PTBP3: variants seen among roughly 807,000 people sequenced by gnomAD.
PTBP3 encodes the protein polypyrimidine tract binding protein 3.
Under a neutral mutation model 58.7 loss-of-function variants are expected in PTBP3, and 20 were observed. The ratio of observed to expected loss-of-function variants is 0.34; its 90% CI spans 0.24 to 0.50. The LOEUF (loss-of-function observed/expected upper bound fraction) is 0.50. PTBP3 is among the 20% of genes least tolerant of loss of function. PTBP3 has a pLI of 0.98. For missense variants in PTBP3, 509 were observed against 637.2 expected (o/e 0.80, Z 2.17); for synonymous variants, 185 against 219.8 (o/e 0.84, Z 1.40).
chr9:112,312,592 T>TCGGGGAAATGATAAAC, intron 1 of PTBP3, among the ~76,000 whole-genome samples: 1 of 149,532 alleles, frequency 6.7e-6, no homozygotes, highest in East Asian at 2.0e-4. Context: ...GGGGAAATGA[T>TCGGGGAAATGATAAAC]AAATGAAAAA....
At position 112,252,751 on chromosome 9, in the gene PTBP3, G is replaced by T; in HGVS notation, c.554C>A (p.Thr185Asn). 9 of 1,611,938 alleles carry T rather than the reference G, an allele frequency of 5.6e-6. No individual in the cohort carries two copies. Among genetic ancestry groups the T allele is most frequent in the Non-Finnish European group, 7.6e-6 (9 of 1,178,518 alleles). The change falls in exon 6 of 14, where the codon ACC becomes AAC. Residue 185 changes from threonine (T) to asparagine (N), a missense_variant. By Grantham distance (65) the Thr-to-Asn change is moderately conservative. Transcript: ENST00000374257. ...TTGAAACTGATTATTCTTTGTAAAG[G>T]TGATAATCTTCAAGACTGTGCCAAA... The part of the protein sequence containing the change: ...SKFGTVLKII[T>N]FTKNNQFQAL...
At chr9:112,342,787 G>C in the PTBP3 span, among the ~76,000 whole-genome samples, 1 of 126,852 alleles carries the variant, frequency 7.9e-6, no homozygotes, top group Non-Finnish European at 1.7e-5. Context: ...GGCATGGGCT[G>C]ATATATATAC....
chr9:112,247,728 TG>T (rs1835945798), intron 7 of PTBP3, among the ~76,000 whole-genome samples: 2 of 152,108 alleles, frequency 1.3e-5, no homozygotes, highest in African/African-American at 4.8e-5. Flanking sequence ...AAAAAGTCTA[TG>T]GATTAAAGGA....
At position 112,327,684 on chromosome 9, in the gene PTBP3, T is replaced by C. The variant is rs529297279; in HGVS notation, c.-52+5786A>G. Reference sequence around the variant, plus strand: ...ACAAATAACATCCAAGGTATACACTTAGGTATAACATGAGACAGCCCTAAG... The same window carrying C: ...ACAAATAACATCCAAGGTATACACTCAGGTATAACATGAGACAGCCCTAAG... On this transcript the variant is annotated intron_variant, in intron 1 of 13. Transcript: ENST00000374257. Among the ~76,000 whole-genome samples, 33 of 152,272 alleles carry C rather than the reference T, an allele frequency of 2.2e-4. No individual in the cohort carries two copies. In the South Asian group the frequency reaches 6.8e-3, roughly 32 times the overall value.
At position 112,221,504 on chromosome 9, in the gene PTBP3, T is replaced by C; in HGVS notation, c.*2347A>G. 1 of 985,562 alleles carries C rather than the reference T, an allele frequency of 1.0e-6. No individual in the cohort carries two copies. 61.1% of individuals were successfully genotyped at this position (985,562 alleles called of 1,614,324 possible). A position where few individuals can be genotyped will look rare whatever the true frequency, so the allele number is the denominator to read the frequency against. ...ACTTAAAGTAAATGAAATAATCCAATTTAACATGGCACTGAAAATTATAAT... is the reference window on the plus strand; with the variant it reads ...ACTTAAAGTAAATGAAATAATCCAACTTAACATGGCACTGAAAATTATAAT... On this transcript the variant is annotated 3_prime_UTR_variant, in exon 14 of 14. Transcript: ENST00000374257.
At chr9:112,274,194 A>T (rs962792079) in intron 3 of PTBP3, among the ~76,000 whole-genome samples, 5 of 152,236 alleles carry the variant, frequency 3.3e-5, no homozygotes, top group Non-Finnish European at 5.9e-5. Flanking sequence ...AGATCTTAGT[A>T]ACCTCATGTG....
chr9:112,345,432 G>A, the PTBP3 span, among the ~76,000 whole-genome samples: 8 of 144,646 alleles, frequency 5.5e-5, no homozygotes, highest in Admixed American at 2.1e-4. Flanking sequence ...CTGGAGTGCA[G>A]TGGAGTGATC....
chr9:112,252,586 AT>A lies in PTBP3; in HGVS notation c.627+91del. ...TGGTAAACATGTATATTTTGCCACA[AT>A]TTTTTTAAAAACACATGGTAAAGTG... On this transcript the variant is annotated intron_variant, in intron 6 of 13. Transcript: ENST00000374257. 7.1e-6 allele frequency: 7 copies of A among 980,018 alleles called. 1 individual carries two copies. In the South Asian group the frequency reaches 8.6e-5, roughly 12 times the overall value. The allele number at this position is 980,018 out of a possible 1,614,324, so 60.7% of individuals were successfully genotyped here.
At chr9:112,251,220 G>T in intron 6 of PTBP3, 117 bp from the exon 7 acceptor site, 1 of 772,756 alleles carries the variant, frequency 1.3e-6, no homozygotes, top group Non-Finnish European at 1.9e-6. Context: ...TGACTAAAAA[G>T]CCAAAGTCTT....
At chr9:112,339,995 C>A in the PTBP3 span, among the ~76,000 whole-genome samples, 2 of 152,024 alleles carry the variant, frequency 1.3e-5, no homozygotes, top group Admixed American at 1.3e-4. Flanking sequence ...GACAGGGTAT[C>A]GCTCTGTCAC....
At chr9:112,319,326 T>C (rs1434381307) in intron 1 of PTBP3, among the ~76,000 whole-genome samples, 1 of 152,012 alleles carries the variant, frequency 6.6e-6, no homozygotes, top group Non-Finnish European at 1.5e-5. Context: ...TCACTTAAGC[T>C]CAGCAGTTCG....
At chr9:112,239,356 T>C (rs1199340415) in intron 7 of PTBP3, among the ~76,000 whole-genome samples, 1 of 152,046 alleles carries the variant, frequency 6.6e-6, no homozygotes, top group Non-Finnish European at 1.5e-5. Flanking sequence ...CTGGTGAAGT[T>C]TGAGAGATTA....
chr9:112,234,125 G>A (rs949365097), intron 8 of PTBP3, among the ~76,000 whole-genome samples: 1 of 152,104 alleles, frequency 6.6e-6, no homozygotes, highest in Admixed American at 6.6e-5. Context: ...ACCAACCTCA[G>A]TGTTTTCTTT....
chr9:112,267,051 C>A (rs1316285287), intron 4 of PTBP3, among the ~76,000 whole-genome samples: 1 of 152,154 alleles, frequency 6.6e-6, no homozygotes, highest in African/African-American at 2.4e-5. Flanking sequence ...ATCTCACCAG[C>A]TAACATTATA....
At chr9:112,307,976 ATCGT>A (rs1829299165) in intron 1 of PTBP3, among the ~76,000 whole-genome samples, 1 of 152,218 alleles carries the variant, frequency 6.6e-6, no homozygotes, top group African/African-American at 2.4e-5. Flanking sequence ...CTCATCAGCT[ATCGT>A]TAGTGTTAGT....
intron 7 of PTBP3, among the ~76,000 whole-genome samples, chr9:112,238,987 T>C (rs2132016473): frequency 6.6e-6 from 1 of 152,312 alleles, no homozygotes; most frequent in East Asian, 1.9e-4. Context: ...CCTAAAGAGT[T>C]ATATATGGTT....
chr9:112,341,392 G>C, the PTBP3 span, among the ~76,000 whole-genome samples: 40,725 of 152,054 alleles, frequency 0.27, 6,788 homozygotes, highest in South Asian at 0.4. Context: ...TCGGCCTCTT[G>C]AAGTGCTGGG....
At chr9:112,360,181 C>T in the PTBP3 span, among the ~76,000 whole-genome samples, 1 of 152,114 alleles carries the variant, frequency 6.6e-6, no homozygotes, top group African/African-American at 2.4e-5. Flanking sequence ...ACCCCTAAAA[C>T]CCAAAGGAAT....
chr9:112,291,094 C>T (rs1017785679), intron 2 of PTBP3, among the ~76,000 whole-genome samples: 15 of 151,800 alleles, frequency 9.9e-5, no homozygotes, highest in South Asian at 2.1e-4. Context: ...TGGTGGCGGG[C>T]GCCTGTAGTC....
Sources: allele counts gnomAD v4.1 joint callset (sites outside exome capture counted in the v4.1 genomes callset), GRCh38; gene constraint gnomAD v4.1.1; transcripts MANE v1.5; gene names NCBI Gene and HGNC (gene_info 2026-07-23, HGNC 2026-07-21).